The following CCDC40 variants were observed in gnomAD, a reference collection of about 807,000 sequenced individuals.
The protein encoded by CCDC40 is coiled-coil domain-containing protein 40.
In CCDC40, 104 loss-of-function variants were observed where a neutral mutation model predicts 124.5. That is an observed-to-expected ratio of 0.84 (90% confidence interval 0.71 to 0.98). The LOEUF (loss-of-function observed/expected upper bound fraction) is 0.98, where lower values mean the gene tolerates loss of function less well. CCDC40 is among the 50% of genes least tolerant of loss of function. The pLI is 0.00. For synonymous variants in CCDC40, 580 were observed against 602.9 expected (o/e 0.96, Z 0.56); for missense variants, 1,463 against 1,503.9 (o/e 0.97, Z 0.45).
intron 7 of CCDC40, among the ~76,000 whole-genome samples, chr17:80,052,940 C>G (rs762447677): frequency 5.3e-5 from 8 of 152,158 alleles, no homozygotes; most frequent in Admixed American, 2.0e-4. Context: ...AAGGCACTAA[C>G]TAGACAAATG....
rs1157825645 is a variant in CCDC40 at position 80,084,757 on chromosome 17, C to T, written c.2004C>T (p.Ser668=). ...CATCAATTCAGATGACACATCTTTC[C>T]AAAATCAACGGTGACATTGCCCAGA... The part of the protein sequence containing the change: ...KEKTNMMTHL[S]KINGDIAQTT... The change falls in exon 13 of 20, where the codon TCC becomes TCT. Residue 668 remains serine, a synonymous_variant. Coordinates refer to ENST00000397545, the MANE Select transcript of CCDC40 (RefSeq NM_017950.4). 6.2e-7 allele frequency: 1 copy of T among 1,613,936 alleles called. No homozygotes were observed. Among genetic ancestry groups the T allele is most frequent in the African/African-American group, 1.3e-5 (1 of 74,906 alleles).
chr17:80,093,626 G>A (rs1453604958), intron 17 of CCDC40, among the ~76,000 whole-genome samples: 2 of 151,206 alleles, frequency 1.3e-5, no homozygotes, highest in African/African-American at 2.4e-5. Flanking sequence ...TGATTCTCCC[G>A]CCTCAGCCTC....
At chr17:80,037,690 G>GGTATATATATATATAT (rs2037139617) in intron 1 of CCDC40, among the ~76,000 whole-genome samples, 1 of 92,084 alleles carries the variant, frequency 1.1e-5, no homozygotes, top group Non-Finnish European at 2.2e-5. Context: ...TTTTAAAAAA[G>GGTATATATATATATAT]ATATACATAT....
At position 80,066,547 on chromosome 17, in the gene CCDC40, G is replaced by T; in HGVS notation, c.1562+941G>T. On this transcript the variant is annotated intron_variant, in intron 10 of 19. Transcript: ENST00000397545. The surrounding 1 kb of genome is among the most constrained non-coding windows in gnomAD (Gnocchi z 4.4). The stretch of plus-strand genomic sequence containing the variant: ...CTGAGACGGGTGGGTCACGAGGCCA[G>T]GAGTTCAAGACCAGCCTGGCCAAGA... 5.0e-6 allele frequency: 1 copy of T among 198,806 alleles called. No individual in the cohort carries two copies. The highest frequency in any genetic ancestry group is 8.7e-5 in the South Asian group (1 of 11,488). 12.3% of individuals were successfully genotyped at this position (198,806 alleles called of 1,614,324 possible).
intron 10 of CCDC40, among the ~76,000 whole-genome samples, chr17:80,074,183 C>T (rs373672153): frequency 1.3e-5 from 2 of 152,278 alleles, no homozygotes; most frequent in Non-Finnish European, 2.9e-5. Flanking sequence ...CCTAATTGCG[C>T]GTCTGGAGAA....
intron 3 of CCDC40, among the ~76,000 whole-genome samples, chr17:80,044,397 C>A (rs963768849): frequency 6.6e-6 from 1 of 152,132 alleles, no homozygotes; most frequent in African/African-American, 2.4e-5. Context: ...TTATCAACAA[C>A]AACAGGCCAG....
chr17:80,086,805 G>C lies in CCDC40; in HGVS notation c.2449+589G>C, dbSNP rs1250867021. 1 of 164,206 alleles carries C rather than the reference G, an allele frequency of 6.1e-6. No individual in the cohort carries two copies. The highest frequency in any genetic ancestry group is 5.7e-5 in the Admixed American group (1 of 17,586). 10.2% of individuals were successfully genotyped at this position (164,206 alleles called of 1,614,324 possible). A position where few individuals can be genotyped will look rare whatever the true frequency, so the allele number is the denominator to read the frequency against. ...GTCAGGCCTGCAGCAGAGCCCCCATGGGAAATGCTGCCCAGACACATCATG... is the reference window on the plus strand; with the variant it reads ...GTCAGGCCTGCAGCAGAGCCCCCATCGGAAATGCTGCCCAGACACATCATG... On this transcript the variant is annotated intron_variant, in intron 14 of 19. Transcript: ENST00000397545. This position sits in a 1 kb window ranked among gnomAD's most constrained non-coding sequence, Gnocchi z 5.5.
chr17:80,043,605 CTT>C (rs61278841), intron 3 of CCDC40, among the ~76,000 whole-genome samples: 85 of 121,354 alleles, frequency 7.0e-4, no homozygotes, highest in African/African-American at 1.7e-3. Context: ...TCTCCTCTTC[CTT>C]TTTTTTTTTT....
chr17:80,099,923 A>C lies in CCDC40; in HGVS notation c.*148A>C. The C allele has an allele frequency of 1.2e-6, 1 of 854,770 alleles. No individual in the cohort carries two copies. The highest frequency in any genetic ancestry group is 1.6e-5 in the South Asian group (1 of 61,746). The allele number at this position is 854,770 out of a possible 1,614,324, so 52.9% of individuals were successfully genotyped here. ...TAAGAGAAATAAGCCAGCCCCACCC[A>C]TAGGAATCTTTTTAGCCACTCAGCA... On this transcript the variant is annotated 3_prime_UTR_variant, in exon 20 of 20. Coordinates refer to ENST00000397545, the MANE Select transcript of CCDC40 (RefSeq NM_017950.4).
chr17:80,049,158 G>T (rs1365034351), intron 5 of CCDC40, among the ~76,000 whole-genome samples: 1 of 151,866 alleles, frequency 6.6e-6, no homozygotes, highest in Non-Finnish European at 1.5e-5. Context: ...ACTTTGGGAG[G>T]CCAAGGTCTG....
Position 80,100,030 on chromosome 17 carries a change from C to T in CCDC40, c.*255C>T, listed in dbSNP as rs2038893032. On this transcript the variant is annotated 3_prime_UTR_variant, in exon 20 of 20. Coordinates refer to ENST00000397545, the MANE Select transcript of CCDC40 (RefSeq NM_017950.4). Reference sequence around the variant, plus strand: ...GAGCCTGTGACTGCAGACCCACACACCCACACTCCCACACTGGGCTTACTC... The same window carrying T: ...GAGCCTGTGACTGCAGACCCACACATCCACACTCCCACACTGGGCTTACTC... The T allele has an allele frequency of 1.9e-6, 1 of 524,124 alleles. No individual in the cohort carries two copies. 32.5% of individuals were successfully genotyped at this position (524,124 alleles called of 1,614,324 possible). A position where few individuals can be genotyped will look rare whatever the true frequency, so the allele number is the denominator to read the frequency against.
chr17:80,089,272 C>T (rs962638112), intron 16 of CCDC40, among the ~76,000 whole-genome samples: 3 of 152,168 alleles, frequency 2.0e-5, no homozygotes, highest in African/African-American at 7.2e-5. Context: ...GTGGAGGCAC[C>T]GTCCTTTCTT....
intron 10 of CCDC40, chr17:80,067,247 C>A: frequency 2.2e-6 from 1 of 445,128 alleles, no homozygotes; most frequent in Non-Finnish European, 4.1e-6. Flanking sequence ...CCTCATTGCC[C>A]TCAGAGACAT....
At chr17:80,091,922 T>C (rs1353823213) in intron 17 of CCDC40, among the ~76,000 whole-genome samples, 1 of 152,112 alleles carries the variant, frequency 6.6e-6, no homozygotes, top group Non-Finnish European at 1.5e-5. Flanking sequence ...TCTGGTGTTA[T>C]TTATCTATCT....
chr17:80,069,810 A>G (rs117320584), intron 10 of CCDC40, among the ~76,000 whole-genome samples: 16,872 of 148,246 alleles, frequency 0.11, 957 homozygotes, highest in Middle Eastern at 0.14. Context: ...GAGAGAGAGA[A>G]AAAAAGAAAG....
intron 10 of CCDC40, chr17:80,068,003 C>T (rs772337667): frequency 2.4e-5 from 25 of 1,054,878 alleles, no homozygotes; most frequent in East Asian, 2.3e-4. Context: ...ACCAAGGCCC[C>T]GGGGAGGAGT....
Position 80,086,045 on chromosome 17 carries a change from A to G in CCDC40, c.2278A>G (p.Ser760Gly). ...CCTGGAGCTTGAAATCAAAAGGCTGAGCAAGCTGATCGACGAGCACGATGG... is the reference window on the plus strand; with the variant it reads ...CCTGGAGCTTGAAATCAAAAGGCTGGGCAAGCTGATCGACGAGCACGATGG... ...GPLELEIKRL[S>G]KLIDEHDGKA... Residue 760 changes from serine to glycine, a missense_variant, in exon 14 of 20, where the codon AGC (serine) becomes GGC (glycine). Ser to Gly is a moderately conservative substitution (Grantham distance 56). Coordinates refer to ENST00000397545, the MANE Select transcript of CCDC40 (RefSeq NM_017950.4). The surrounding 1 kb of genome is among the most constrained non-coding windows in gnomAD (Gnocchi z 5.5). 6 of 1,614,140 alleles carry G rather than the reference A, an allele frequency of 3.7e-6. No individual in the cohort carries two copies. The highest frequency in any genetic ancestry group is 5.1e-6 in the Non-Finnish European group (6 of 1,180,024).
chr17:80,064,624 G>A (rs2037988272), intron 9 of CCDC40, among the ~76,000 whole-genome samples: 2 of 152,102 alleles, frequency 1.3e-5, no homozygotes, highest in South Asian at 4.1e-4. Context: ...CAAGCATAAA[G>A]GAACTCCCCT....
chr17:80,042,902 C>G (rs1166803357), intron 3 of CCDC40, among the ~76,000 whole-genome samples: 1 of 150,532 alleles, frequency 6.6e-6, no homozygotes, highest in Non-Finnish European at 1.5e-5. Context: ...TGGGTTTTGT[C>G]AAATCCTTTT....
Sources: allele counts gnomAD v4.1 joint callset (sites outside exome capture counted in the v4.1 genomes callset), GRCh38; gene constraint gnomAD v4.1.1; non-coding constraint Gnocchi (gnomAD v3.1); transcripts MANE v1.5; gene names NCBI Gene and HGNC (gene_info 2026-07-23, HGNC 2026-07-21).